Variants in PTPRD observed in about 807,000 individuals in gnomAD.
PTPRD encodes the protein protein tyrosine phosphatase receptor type D.
A neutral mutation model predicts 214.5 loss-of-function variants in PTPRD; 34 were observed. The observed-to-expected ratio is 0.16, with a 90% confidence interval of 0.12 to 0.21. The LOEUF is 0.21. Among genes scored for constraint, PTPRD ranks in the 10% least tolerant of loss-of-function variants. The pLI, the probability that PTPRD is intolerant of heterozygous loss-of-function variation, is 1.00. For missense variants in PTPRD, 2,545 were observed against 2,398.7 expected, an observed-to-expected ratio of 1.06 and a Z score of -1.27; for synonymous variants, 1,128 against 845.7, an observed-to-expected ratio of 1.33 and a Z score of -5.79.
rs555379397 is a variant in PTPRD, at chr9:10,361,361, G to T, written c.-599-20344C>A. On this transcript the variant is annotated intron_variant, in intron 2 of 45. Coordinates refer to ENST00000381196, the MANE Select transcript of PTPRD (RefSeq NM_002839.4). ...CCCCCTGGTGTTATCGAAATAGTTT[G>T]ATGTCACAGATTTTCAGAAAGGGTT... Among the ~76,000 whole-genome samples, 11 of 152,266 alleles carry T rather than the reference G, an allele frequency of 7.2e-5. 1 individual carries two copies. The South Asian group carries it at 1.9e-3, about 26-fold the overall frequency.
At chr9:9,759,980 T>G (rs955215608) in intron 6 of PTPRD, among the ~76,000 whole-genome samples, 6 of 152,224 alleles carry the variant, frequency 3.9e-5, no homozygotes, top group Non-Finnish European at 8.8e-5. Flanking sequence ...CCTGGTGTTG[T>G]ACATTTTGCT....
chr9:10,350,770 A>C (rs2097168161), intron 2 of PTPRD, among the ~76,000 whole-genome samples: 1 of 152,212 alleles, frequency 6.6e-6, no homozygotes, highest in Non-Finnish European at 1.5e-5. Flanking sequence ...TGATTTCTAC[A>C]TTCCATCATA....
At chr9:8,526,951 A>G (rs1000934543) in intron 16 of PTPRD, among the ~76,000 whole-genome samples, 1 of 145,438 alleles carries the variant, frequency 6.9e-6, no homozygotes, top group African/African-American at 2.5e-5. Flanking sequence ...TATATGCCTC[A>G]TATCTCTTAA....
intron 2 of PTPRD, among the ~76,000 whole-genome samples, chr9:10,602,732 C>A (rs1295824241): frequency 4.0e-5 from 6 of 151,680 alleles, no homozygotes; most frequent in Non-Finnish European, 8.8e-5. Flanking sequence ...TCTTAGAAGG[C>A]CAATTTTTGG....
At chr9:10,255,370 G>T (rs2498615) in intron 3 of PTPRD, among the ~76,000 whole-genome samples, 1 of 151,962 alleles carries the variant, frequency 6.6e-6, no homozygotes, top group African/African-American at 2.4e-5. Flanking sequence ...AATACTGAAT[G>T]CCATAAGCAA....
At chr9:9,357,072 G>A (rs2054087108) in intron 9 of PTPRD, among the ~76,000 whole-genome samples, 2 of 151,244 alleles carry the variant, frequency 1.3e-5, no homozygotes, top group Non-Finnish European at 3.0e-5. Flanking sequence ...TCCGTCAGTA[G>A]ACTTTAATTC....
intron 11 of PTPRD, among the ~76,000 whole-genome samples, chr9:8,936,894 A>C (rs1196504413): frequency 6.6e-6 from 1 of 152,202 alleles, no homozygotes; most frequent in Non-Finnish European, 1.5e-5. Flanking sequence ...ATAGAAAAAT[A>C]ATAATATTAC....
intron 11 of PTPRD, among the ~76,000 whole-genome samples, chr9:8,967,628 T>C (rs1370191447): frequency 6.6e-6 from 1 of 152,038 alleles, no homozygotes; most frequent in Non-Finnish European, 1.5e-5. Flanking sequence ...AGAAAATTAA[T>C]GAGTCACTTA....
chr9:8,676,128 A>T (rs1268211249), intron 12 of PTPRD, among the ~76,000 whole-genome samples: 2 of 152,164 alleles, frequency 1.3e-5, no homozygotes, highest in South Asian at 4.1e-4. Context: ...ACTTTTTTGT[A>T]TATTAAGACT....
intron 5 of PTPRD, among the ~76,000 whole-genome samples, chr9:9,831,778 T>C (rs2054927197): frequency 6.6e-6 from 1 of 152,018 alleles, no homozygotes; most frequent in African/African-American, 2.4e-5. Context: ...CTTTGGCTTC[T>C]AATGTTATTT....
chr9:9,413,392 G>A (rs1406511200), intron 8 of PTPRD, among the ~76,000 whole-genome samples: 4 of 151,956 alleles, frequency 2.6e-5, no homozygotes, highest in Non-Finnish European at 4.4e-5. Flanking sequence ...GGGATTACAG[G>A]CGTGAGCCAC....
rs1166229180 is a variant in PTPRD at position 10,331,444 on chromosome 9, T to C, written c.-545+9519A>G. ...GACACTGTGGAGCAGAGGCAAACCATTTCCCCATTCCCTGTCTGAATTCCC... is the reference window on the plus strand; with the variant it reads ...GACACTGTGGAGCAGAGGCAAACCACTTCCCCATTCCCTGTCTGAATTCCC... On this transcript the variant is annotated intron_variant, in intron 3 of 45. Transcript: ENST00000381196. 2.0e-5 allele frequency among the ~76,000 whole-genome samples: 3 copies of C among 151,880 alleles called. No individual in the cohort carries two copies. In the East Asian group the frequency reaches 5.8e-4, roughly 30 times the overall value.
chr9:10,568,377 T>C (rs909521014), intron 2 of PTPRD, among the ~76,000 whole-genome samples: 5 of 152,096 alleles, frequency 3.3e-5, no homozygotes, highest in Non-Finnish European at 5.9e-5. Context: ...TGTTGGACAT[T>C]TGGGTTGGTT....
intron 5 of PTPRD, among the ~76,000 whole-genome samples, chr9:9,901,623 G>A (rs560310447): frequency 1.3e-5 from 2 of 152,098 alleles, no homozygotes; most frequent in South Asian, 4.2e-4. Context: ...AGAGAAATCT[G>A]ACTTCTTTCT....
chr9:9,920,270 T>G (rs182698871), intron 5 of PTPRD, among the ~76,000 whole-genome samples: 2 of 152,256 alleles, frequency 1.3e-5, no homozygotes, highest in African/African-American at 4.8e-5. Flanking sequence ...CACACTGCTT[T>G]TCAATAAGCT....
At chr9:9,863,553 C>A (rs548895856) in intron 5 of PTPRD, among the ~76,000 whole-genome samples, 4 of 152,224 alleles carry the variant, frequency 2.6e-5, no homozygotes, top group African/African-American at 9.6e-5. Context: ...CTAAGCTAAT[C>A]AAGATTATGA....
At chr9:10,382,848 A>T (rs2097848996) in intron 2 of PTPRD, among the ~76,000 whole-genome samples, 1 of 151,874 alleles carries the variant, frequency 6.6e-6, no homozygotes, top group Admixed American at 6.6e-5. Flanking sequence ...GGCTATTTTT[A>T]AATTTTTTAT....
chr9:8,691,231 A>C (rs57746054), intron 12 of PTPRD, among the ~76,000 whole-genome samples: 9,654 of 152,156 alleles, frequency 0.063, 958 homozygotes, highest in African/African-American at 0.21. Context: ...GAGAAAAAAA[A>C]AGAAATGACA....
intron 2 of PTPRD, among the ~76,000 whole-genome samples, chr9:10,506,978 T>G (rs1046583583): frequency 6.6e-6 from 1 of 152,074 alleles, no homozygotes; most frequent in African/African-American, 2.4e-5. Context: ...AACACTATGT[T>G]GAATAGGAGT....
Sources: allele counts gnomAD v4.1 joint callset (sites outside exome capture counted in the v4.1 genomes callset), GRCh38; gene constraint gnomAD v4.1.1; transcripts MANE v1.5; gene names NCBI Gene and HGNC (gene_info 2026-07-23, HGNC 2026-07-21).